Variants in MKNK2 observed in about 807,000 individuals in gnomAD.
The protein encoded by MKNK2 is MAPK interacting serine/threonine kinase 2.
Under a neutral mutation model 55.0 loss-of-function variants are expected in MKNK2, and 54 were observed. The ratio of observed to expected loss-of-function variants is 0.98; its 90% CI spans 0.79 to 1.23. The LOEUF is 1.23. MKNK2 is among the 50% of genes most tolerant of loss of function. MKNK2 has a pLI of 0.00. For missense variants in MKNK2, 685 were observed against 632.1 expected (o/e 1.08, Z -0.90); for synonymous variants, 323 against 256.0 (o/e 1.26, Z -2.50).
intron 11 of MKNK2, 53 bp downstream of exon 11, chr19:2,041,787 C>A (rs2016889217): frequency 7.0e-6 from 10 of 1,434,924 alleles, no homozygotes; most frequent in Non-Finnish European, 9.2e-6. Context: ...GTGTTCAGGG[C>A]AGGCCCGGGG....
In MKNK2 at chr19:2,041,113, G is replaced by C. The variant is rs761389166; in HGVS notation, c.1037C>G (p.Ser346Cys). 2 of 1,614,102 alleles carry C rather than the reference G, an allele frequency of 1.2e-6. No homozygotes were observed. The highest frequency in any genetic ancestry group is 1.7e-6 in the Non-Finnish European group (2 of 1,179,968). The change falls in exon 12 of 14, where the codon TCC (serine) becomes TGC (cysteine). Residue 346 changes from serine to cysteine, a missense_variant. Coordinates refer to ENST00000250896, the MANE Select transcript of MKNK2 (RefSeq NM_199054.3). Reference sequence around the variant, plus strand: ...CTTGGCGTCACGGACCAGCAGCTTGGAGATGAGGTCTTTGGCAGCGCAGGA... The same window carrying C: ...CTTGGCGTCACGGACCAGCAGCTTGCAGATGAGGTCTTTGGCAGCGCAGGA... ...HISCAAKDLISKLLVRDAKQR... is the reference protein window; with the variant it reads ...HISCAAKDLICKLLVRDAKQR...
In MKNK2 at chr19:2,050,889, G is replaced by C; in HGVS notation, c.-38C>G. 6.7e-7 allele frequency: 1 copy of C among 1,482,826 alleles called. No homozygotes were observed. Among genetic ancestry groups the C allele is most frequent in the Non-Finnish European group, 9.0e-7 (1 of 1,111,606 alleles). 91.9% of individuals were successfully genotyped at this position (1,482,826 alleles called of 1,614,324 possible). On this transcript the variant is annotated 5_prime_UTR_variant, in exon 2 of 14. Coordinates refer to ENST00000250896, the MANE Select transcript of MKNK2 (RefSeq NM_199054.3). ...CCCCGCCAGCGGGGGAGGGGACCGAGGGCCCGGGGGGAGGCCCGAGGGCGG... is the reference window on the plus strand; with the variant it reads ...CCCCGCCAGCGGGGGAGGGGACCGACGGCCCGGGGGGAGGCCCGAGGGCGG...
rs116278638 is a variant in MKNK2 at position 2,039,175 on chromosome 19, C to T, written c.*438G>A. 2.0e-3 allele frequency: 1,986 copies of T among 1,003,636 alleles called. 28 individuals carry two copies. The African/African-American group carries it at 0.031, about 16-fold the overall frequency. The allele number at this position is 1,003,636 out of a possible 1,614,324, so 62.2% of individuals were successfully genotyped here. A position where few individuals can be genotyped will look rare whatever the true frequency, so the allele number is the denominator to read the frequency against. Reference sequence around the variant, plus strand: ...TGAAATACTGCGGGCTGGGAGGGAACACGAGGGCAGGGTCCTGTGCCCCTC... The same window carrying T: ...TGAAATACTGCGGGCTGGGAGGGAATACGAGGGCAGGGTCCTGTGCCCCTC... On this transcript the variant is annotated 3_prime_UTR_variant, in exon 14 of 14. Transcript: ENST00000250896.
At chr19:2,044,443 T>A (rs1448591320) in intron 5 of MKNK2, among the ~76,000 whole-genome samples, 2 of 152,214 alleles carry the variant, frequency 1.3e-5, no homozygotes, top group Non-Finnish European at 2.9e-5. Context: ...CCCTGCCACC[T>A]TCACTCACAG....
At chr19:2,041,332 G>A in intron 11 of MKNK2, 128 bp from the exon 12 acceptor site, 2 of 943,156 alleles carry the variant, frequency 2.1e-6, no homozygotes, top group Middle Eastern at 2.4e-4. Context: ...GCCTGGGGCA[G>A]AGGGGGCTGG....
rs2017004497 is a variant in MKNK2, at chr19:2,046,585, T to G, written c.139+19A>C. 1.3e-6 allele frequency: 2 copies of G among 1,554,466 alleles called. No homozygotes were observed. Among genetic ancestry groups the G allele is most frequent in the African/African-American group, 1.4e-5 (1 of 73,072 alleles). Reference sequence around the variant, plus strand: ...CGACAGCAGCTGCCCTGTGCCCTCCTCCCCCTCGGGCCCCTCACCAGGGCG... The same window carrying G: ...CGACAGCAGCTGCCCTGTGCCCTCCGCCCCCTCGGGCCCCTCACCAGGGCG... On this transcript the variant is annotated intron_variant, in intron 3 of 13. Coordinates refer to ENST00000250896, the MANE Select transcript of MKNK2 (RefSeq NM_199054.3).
chr19:2,042,027 G>A lies in MKNK2; in HGVS notation c.758C>T (p.Ser253Leu), dbSNP rs2016896796. The change falls in exon 11 of 14, where the codon TCG (serine) becomes TTG (leucine). Residue 253 changes from serine (S) to leucine (L), a missense_variant. Ser to Leu is a moderately radical substitution (Grantham distance 145). Transcript: ENST00000250896. ...TACCTCCGGGGCCATGTACTCCGCC[G>A]AGCCGCACTGCGGGCGGGGGAGGGG... ...STPELLTPCG[S>L]AEYMAPEVVE... 2.0e-6 allele frequency: 3 copies of A among 1,496,932 alleles called. No homozygotes were observed. The highest frequency in any genetic ancestry group is 1.3e-5 in the South Asian group (1 of 78,078). 92.7% of individuals were successfully genotyped at this position (1,496,932 alleles called of 1,614,324 possible). A position where few individuals can be genotyped will look rare whatever the true frequency, so the allele number is the denominator to read the frequency against.
chr19:2,044,400 G>A (rs1222094412), intron 5 of MKNK2, among the ~76,000 whole-genome samples: 1 of 152,226 alleles, frequency 6.6e-6, no homozygotes, highest in Non-Finnish European at 1.5e-5. Flanking sequence ...GCCTCAGGAA[G>A]CCACTCTACT....
Position 2,038,067 on chromosome 19 carries a change from G to C in MKNK2, c.*1546C>G. 1 of 1,218,798 alleles carries C rather than the reference G, an allele frequency of 8.2e-7. No individual in the cohort carries two copies. The highest frequency in any genetic ancestry group is 1.0e-6 in the Non-Finnish European group (1 of 968,086). The allele number at this position is 1,218,798 out of a possible 1,614,324, so 75.5% of individuals were successfully genotyped here. A position where few individuals can be genotyped will look rare whatever the true frequency, so the allele number is the denominator to read the frequency against. On this transcript the variant is annotated 3_prime_UTR_variant, in exon 14 of 14. Transcript: ENST00000250896. ...GGGTCTTTGGAAGGGGCAGTCCACA[G>C]ATATGGGCAGTGGGGACCAGGGAAG...
At chr19:2,048,157 C>T (rs573803591) in intron 2 of MKNK2, among the ~76,000 whole-genome samples, 17 of 152,184 alleles carry the variant, frequency 1.1e-4, no homozygotes, top group Middle Eastern at 3.4e-3. Flanking sequence ...CCCTGATACC[C>T]GGCTAAGGAA....
chr19:2,046,200 C>A lies in MKNK2; in HGVS notation c.325G>T (p.Glu109Ter). The stretch of plus-strand genomic sequence containing the variant: ...CGCGGGCCCACCTTGACGGCGTACT[C>A]CTGGCTGGTGATCAGGTTGATGCAG... ...QTCINLITSQ[E>*]YAVKIIEKQP... Residue 109 changes from glutamate to a stop codon, truncating the protein, a stop_gained, in exon 5 of 14, where the codon GAG (glutamate) becomes TAG (stop). Coordinates refer to ENST00000250896, the MANE Select transcript of MKNK2 (RefSeq NM_199054.3). LOFTEE classifies it high-confidence loss of function. 1 of 1,608,696 alleles carries A rather than the reference C, an allele frequency of 6.2e-7. No homozygotes were observed. The highest frequency in any genetic ancestry group is 8.5e-7 in the Non-Finnish European group (1 of 1,179,916).
rs1375442660 is a variant in MKNK2, at chr19:2,039,423, G to A, written c.*190C>T. On this transcript the variant is annotated 3_prime_UTR_variant, in exon 14 of 14. Coordinates refer to ENST00000250896, the MANE Select transcript of MKNK2 (RefSeq NM_199054.3). ...ATCCAAAGGAAAAAATAACGGGGAG[G>A]GGTGGAAACAGGAAAAAAAAAACCC... The A allele has an allele frequency of 1.1e-5, 16 of 1,401,774 alleles. No individual in the cohort carries two copies. Among genetic ancestry groups the A allele is most frequent in the Admixed American group, 3.0e-5 (1 of 33,180 alleles). The allele number at this position is 1,401,774 out of a possible 1,614,324, so 86.8% of individuals were successfully genotyped here. A position where few individuals can be genotyped will look rare whatever the true frequency, so the allele number is the denominator to read the frequency against.
chr19:2,042,088 C>G, intron 10 of MKNK2, 54 bp from the exon 11 acceptor site: 2 of 1,409,670 alleles, frequency 1.4e-6, no homozygotes. Flanking sequence ...TACGTGGGAA[C>G]CGAGCCCGGG....
rs147578140 is a variant in MKNK2 at position 2,042,520 on chromosome 19, G to A, written c.657C>T (p.Val219=). 5.0e-6 allele frequency: 8 copies of A among 1,593,458 alleles called. No individual in the cohort carries two copies. Among genetic ancestry groups the A allele is most frequent in the Admixed American group, 1.8e-5 (1 of 55,266 alleles). The part of the protein sequence containing the change: ...ENILCEHPNQ[V]SPVKICDFDL... ...CGAAGTCACAGATCTTCACGGGGGAGACCTGGGAGGGGCCAAAAGGTCCGT... is the reference window on the plus strand; with the variant it reads ...CGAAGTCACAGATCTTCACGGGGGAAACCTGGGAGGGGCCAAAAGGTCCGT... Residue 219 remains valine (V), a splice_region_variant and synonymous_variant, in exon 10 of 14, where the codon GTC becomes GTT. Coordinates refer to ENST00000250896, the MANE Select transcript of MKNK2 (RefSeq NM_199054.3).
At chr19:2,049,639 A>G (rs2017070310) in intron 2 of MKNK2, among the ~76,000 whole-genome samples, 1 of 152,202 alleles carries the variant, frequency 6.6e-6, no homozygotes, top group South Asian at 2.1e-4. Flanking sequence ...AGTGTGCTTT[A>G]GCTGCCTGGC....
Position 2,042,819 on chromosome 19 carries a change from GCCT to G in MKNK2, c.542_544del (p.Glu181del), listed in dbSNP as rs2145687632. On this transcript the variant is annotated inframe_deletion, in exon 8 of 14. Transcript: ENST00000250896. ...GGCCACGTCCTGCACCACCACGCTGGCCTCCAGCTCGTTGAAGTGCCGGCGCTT... is the reference window on the plus strand; with the variant it reads ...GGCCACGTCCTGCACCACCACGCTGGCCAGCTCGTTGAAGTGCCGGCGCTT... The G allele has an allele frequency of 6.3e-7, 1 of 1,580,352 alleles. No homozygotes were observed. The highest frequency in any genetic ancestry group is 2.3e-5 in the East Asian group (1 of 43,128).
In MKNK2 at chr19:2,039,427, G is replaced by A. The variant is rs1309647229; in HGVS notation, c.*186C>T. Reference sequence around the variant, plus strand: ...AAAGGAAAAAATAACGGGGAGGGGTGGAAACAGGAAAAAAAAAACCCAAAA... The same window carrying A: ...AAAGGAAAAAATAACGGGGAGGGGTAGAAACAGGAAAAAAAAAACCCAAAA... On this transcript the variant is annotated 3_prime_UTR_variant, in exon 14 of 14. Coordinates refer to ENST00000250896, the MANE Select transcript of MKNK2 (RefSeq NM_199054.3). The A allele has an allele frequency of 7.9e-6, 11 of 1,394,618 alleles. No homozygotes were observed. The Middle Eastern group carries it at 7.8e-4, about 99-fold the overall frequency. The allele number at this position is 1,394,618 out of a possible 1,614,324, so 86.4% of individuals were successfully genotyped here.
Position 2,039,299 on chromosome 19 carries a change from C to A in MKNK2, c.*314G>T. On this transcript the variant is annotated 3_prime_UTR_variant, in exon 14 of 14. Coordinates refer to ENST00000250896, the MANE Select transcript of MKNK2 (RefSeq NM_199054.3). The stretch of plus-strand genomic sequence containing the variant: ...GGCAGCACAGGTGACCTGGGGGCAC[C>A]TTCATAGTAGAGGTGAGCAGGGCGG... 8.3e-7 allele frequency: 1 copy of A among 1,210,828 alleles called. No homozygotes were observed. The highest frequency in any genetic ancestry group is 1.0e-6 in the Non-Finnish European group (1 of 968,404). The allele number at this position is 1,210,828 out of a possible 1,614,324, so 75.0% of individuals were successfully genotyped here. A position where few individuals can be genotyped will look rare whatever the true frequency, so the allele number is the denominator to read the frequency against.
At chr19:2,050,652 G>C (rs2017094921) in intron 2 of MKNK2, 149 bp downstream of exon 2, 3 of 675,442 alleles carry the variant, frequency 4.4e-6, no homozygotes, top group Non-Finnish European at 7.0e-6. Context: ...CCCCGCTTCA[G>C]CGCACGGCCG....
Sources: gnomAD v4.1 joint callset for allele counts (sites outside exome capture counted in the v4.1 genomes callset) on GRCh38, gnomAD v4.1.1 for gene constraint, MANE v1.5 for transcripts, NCBI Gene and HGNC (gene_info 2026-07-23, HGNC 2026-07-21) for gene names.